KIF6: variants seen among roughly 807,000 people sequenced by gnomAD.
KIF6 encodes kinesin family member 6.
A neutral mutation model predicts 112.7 loss-of-function variants in KIF6; 106 were observed. That is an observed-to-expected ratio of 0.94 (90% confidence interval 0.80 to 1.11). The LOEUF (loss-of-function observed/expected upper bound fraction) is 1.11, where lower values mean the gene tolerates loss of function less well. Among genes scored for constraint, KIF6 ranks in the 50% least tolerant of loss-of-function variants. The probability of loss-of-function intolerance (pLI) is 0.00; values close to 1 mark genes in which losing one functional copy is unlikely to be tolerated. For missense variants in KIF6, 929 were observed against 964.0 expected, an observed-to-expected ratio of 0.96 and a Z score of 0.48; for synonymous variants, 339 against 339.9, an observed-to-expected ratio of 1.00 and a Z score of 0.03.
intron 13 of KIF6, among the ~76,000 whole-genome samples, chr6:39,532,085 A>C (rs73414654): frequency 6.6e-6 from 1 of 152,110 alleles, no homozygotes; most frequent in Non-Finnish European, 1.5e-5. Context: ...CCTGGTCTTA[A>C]CCGGAGGTTG....
chr6:39,603,126 G>A (rs1782666528), intron 6 of KIF6, among the ~76,000 whole-genome samples: 1 of 152,168 alleles, frequency 6.6e-6, no homozygotes, highest in Non-Finnish European at 1.5e-5. Flanking sequence ...GATCCACTGG[G>A]CTACAAGTGA....
chr6:39,595,784 G>A (rs1295619509), intron 7 of KIF6, among the ~76,000 whole-genome samples: 1 of 152,162 alleles, frequency 6.6e-6, no homozygotes, highest in Admixed American at 6.6e-5. Flanking sequence ...GTAGAGTAGA[G>A]ATGACCAGGG....
chr6:39,597,520 A>C (rs1782339808), intron 6 of KIF6, among the ~76,000 whole-genome samples: 1 of 152,186 alleles, frequency 6.6e-6, no homozygotes, highest in African/African-American at 2.4e-5. Context: ...CAGCAAAGAA[A>C]GGATGCACTG....
intron 10 of KIF6, among the ~76,000 whole-genome samples, chr6:39,568,325 G>A (rs947755874): frequency 6.6e-5 from 10 of 152,170 alleles, no homozygotes; most frequent in Admixed American, 3.3e-4. Flanking sequence ...TGAAGAAGGC[G>A]TTTTCAGGGA....
chr6:39,462,631 G>T (rs1418909526), intron 13 of KIF6, among the ~76,000 whole-genome samples: 1 of 152,144 alleles, frequency 6.6e-6, no homozygotes, highest in Non-Finnish European at 1.5e-5. Flanking sequence ...AATGAAAAAT[G>T]AGTCTACAGA....
At chr6:39,563,480 A>G (rs536879678) in intron 10 of KIF6, among the ~76,000 whole-genome samples, 7 of 152,244 alleles carry the variant, frequency 4.6e-5, no homozygotes, top group Non-Finnish European at 1.0e-4. Flanking sequence ...ATATGTAGAT[A>G]CATGTATATA....
chr6:39,711,101 A>AT (rs962285946), intron 3 of KIF6, among the ~76,000 whole-genome samples: 10 of 150,248 alleles, frequency 6.7e-5, no homozygotes, highest in African/African-American at 7.3e-5. Context: ...AAAAGAAAGA[A>AT]TTTTTTTTAA....
intron 13 of KIF6, among the ~76,000 whole-genome samples, chr6:39,525,245 G>A (rs1777646911): frequency 6.6e-6 from 1 of 152,270 alleles, no homozygotes; most frequent in South Asian, 2.1e-4. Context: ...CAGGGCTCAA[G>A]TGATCCTCCC....
intron 13 of KIF6, among the ~76,000 whole-genome samples, chr6:39,438,059 C>T (rs766088905): frequency 6.6e-6 from 1 of 152,128 alleles, no homozygotes; most frequent in Non-Finnish European, 1.5e-5. Context: ...CTCACTGCAA[C>T]TTCTGCCTCC....
intron 16 of KIF6, among the ~76,000 whole-genome samples, chr6:39,376,999 A>G (rs906504680): frequency 5.9e-5 from 9 of 152,230 alleles, no homozygotes; most frequent in Non-Finnish European, 8.8e-5. Context: ...TGTGGAGACC[A>G]TCTAGGCTGC....
chr6:39,505,554 G>A (rs1173507252), intron 13 of KIF6, among the ~76,000 whole-genome samples: 3 of 152,172 alleles, frequency 2.0e-5, no homozygotes, highest in Non-Finnish European at 4.4e-5. Flanking sequence ...TATCATCAGA[G>A]TAAACAGACA....
chr6:39,702,460 C>G (rs1788928750), intron 3 of KIF6, among the ~76,000 whole-genome samples: 1 of 152,156 alleles, frequency 6.6e-6, no homozygotes, highest in Non-Finnish European at 1.5e-5. Flanking sequence ...GAACATTTTT[C>G]CTTATCAAAA....
chr6:39,594,601 C>T (rs1263147867), intron 7 of KIF6, among the ~76,000 whole-genome samples: 1 of 152,170 alleles, frequency 6.6e-6, no homozygotes, highest in Non-Finnish European at 1.5e-5. Context: ...TGGCCATGTG[C>T]ACCTTGTTCA....
chr6:39,711,257 T>A (rs1266348643), intron 3 of KIF6, among the ~76,000 whole-genome samples: 61 of 50,228 alleles, frequency 1.2e-3, no homozygotes, highest in Admixed American at 1.9e-3. Flanking sequence ...AAGAAAAAAA[T>A]CCTAAAAACA....
Position 39,335,284 on chromosome 6 carries a change from G to C in KIF6, c.*1248C>G, listed in dbSNP as rs1300203764. 3.3e-5 allele frequency: 5 copies of C among 152,106 alleles called. No homozygotes were observed. Among genetic ancestry groups the C allele is most frequent in the African/African-American group, 1.2e-4 (5 of 41,384 alleles). The allele number at this position is 152,106 out of a possible 1,614,324, so 9.4% of individuals were successfully genotyped here. ...CCTGAAGAGGGGACATTTGTCAGTG[G>C]CATAGAACAGCAAGCTGAATCTCCC... On this transcript the variant is annotated 3_prime_UTR_variant, in exon 23 of 23. Coordinates refer to ENST00000287152, the MANE Select transcript of KIF6 (RefSeq NM_145027.6).
intron 15 of KIF6, among the ~76,000 whole-genome samples, chr6:39,403,547 C>A (rs1354007216): frequency 3.3e-5 from 5 of 152,226 alleles, no homozygotes; most frequent in African/African-American, 9.6e-5. Flanking sequence ...GAAGTCTATC[C>A]CCTCACTCAC....
At chr6:39,477,573 A>AT (rs1252188785) in intron 13 of KIF6, among the ~76,000 whole-genome samples, 2 of 152,206 alleles carry the variant, frequency 1.3e-5, no homozygotes, top group African/African-American at 4.8e-5. Context: ...TTTAAAATAA[A>AT]TTTTATTGGC....
intron 14 of KIF6, among the ~76,000 whole-genome samples, chr6:39,422,784 C>T (rs1460836226): frequency 6.6e-6 from 1 of 152,204 alleles, no homozygotes; most frequent in East Asian, 1.9e-4. Context: ...TACTCCCTTT[C>T]CTCCTGCCCC....
At chr6:39,432,638 G>T (rs1203446183) in intron 13 of KIF6, among the ~76,000 whole-genome samples, 19 of 152,102 alleles carry the variant, frequency 1.2e-4, no homozygotes, top group Admixed American at 1.2e-3. Context: ...CTCTAGAATT[G>T]GGTAGGCCTG....
Sources: allele counts gnomAD v4.1 joint callset (sites outside exome capture counted in the v4.1 genomes callset), GRCh38; gene constraint gnomAD v4.1.1; transcripts MANE v1.5; gene names NCBI Gene and HGNC (gene_info 2026-07-23, HGNC 2026-07-21).